FCHO2: variants seen among roughly 807,000 people sequenced by gnomAD.
FCHO2 encodes the protein F-BAR domain only protein 2.
FCHO2 carries 43 observed loss-of-function variants against 114.1 expected under a neutral mutation model. That is an observed-to-expected ratio of 0.38 (90% CI 0.30 to 0.49). The LOEUF is 0.49. Ranked by LOEUF, FCHO2 falls within the 20% of genes least tolerant of loss-of-function variation. FCHO2 has a pLI of 0.97. For synonymous variants in FCHO2, 293 were observed against 315.2 expected, an observed-to-expected ratio of 0.93 and a Z score of 0.75; for missense variants, 807 against 950.4, an observed-to-expected ratio of 0.85 and a Z score of 1.98.
intron 22 of FCHO2, among the ~76,000 whole-genome samples, 157 bp downstream of exon 22, chr5:73,078,469 T>C (rs946548680): frequency 2.0e-5 from 3 of 152,246 alleles, no homozygotes; most frequent in Non-Finnish European, 4.4e-5. Flanking sequence ...AGTGGAGATT[T>C]TGACCAGTTT....
intron 2 of FCHO2, among the ~76,000 whole-genome samples, chr5:72,968,989 A>G (rs533117989): frequency 4.8e-4 from 73 of 152,314 alleles, no homozygotes; most frequent in South Asian, 2.9e-3. Context: ...TTTATTTTTA[A>G]AAGTCCTAAG....
At chr5:72,989,670 T>A (rs1391627408) in intron 3 of FCHO2, among the ~76,000 whole-genome samples, 169 bp downstream of exon 3, 1 of 152,206 alleles carries the variant, frequency 6.6e-6, no homozygotes, top group African/African-American at 2.4e-5. Flanking sequence ...ATAATTGAAC[T>A]TGCTGAATCA....
At chr5:73,078,930 G>T (rs1462955500) in intron 22 of FCHO2, among the ~76,000 whole-genome samples, 1 of 152,166 alleles carries the variant, frequency 6.6e-6, no homozygotes, top group African/African-American at 2.4e-5. Flanking sequence ...AATCTCTAGT[G>T]ACTTGAATAT....
At chr5:73,052,642 G>T in intron 13 of FCHO2, 135 bp downstream of exon 13, 1 of 717,698 alleles carries the variant, frequency 1.4e-6, no homozygotes, top group Non-Finnish European at 2.1e-6. Flanking sequence ...TTTTATACAG[G>T]GAAATAAACT....
intron 8 of FCHO2, among the ~76,000 whole-genome samples, chr5:73,021,671 G>T (rs1382833958): frequency 6.6e-6 from 1 of 152,112 alleles, no homozygotes; most frequent in African/African-American, 2.4e-5. Flanking sequence ...CCTTGTTGCT[G>T]TCTACCATTA....
At chr5:72,993,387 A>T (rs1304569036) in intron 5 of FCHO2, among the ~76,000 whole-genome samples, 2 of 152,170 alleles carry the variant, frequency 1.3e-5, no homozygotes, top group Non-Finnish European at 2.9e-5. Flanking sequence ...ACATTCATCT[A>T]ATACTAATTT....
At chr5:73,020,014 A>T (rs1241528370) in intron 8 of FCHO2, among the ~76,000 whole-genome samples, 1 of 152,126 alleles carries the variant, frequency 6.6e-6, no homozygotes. Context: ...TTGATGACAG[A>T]GTAGAATGCA....
intron 2 of FCHO2, among the ~76,000 whole-genome samples, chr5:72,971,142 A>G (rs1461404376): frequency 2.6e-5 from 4 of 152,128 alleles, no homozygotes; most frequent in African/African-American, 9.7e-5. Context: ...GCTATTGTGA[A>G]TAATGCCGCA....
At chr5:73,018,900 A>G (rs1755459282) in intron 8 of FCHO2, among the ~76,000 whole-genome samples, 1 of 152,192 alleles carries the variant, frequency 6.6e-6, no homozygotes, top group Non-Finnish European at 1.5e-5. Flanking sequence ...TTTCCAAAGC[A>G]AGGAAACAAG....
intron 2 of FCHO2, among the ~76,000 whole-genome samples, chr5:72,985,084 G>T (rs1310008696): frequency 6.6e-6 from 1 of 152,022 alleles, no homozygotes; most frequent in Non-Finnish European, 1.5e-5. Flanking sequence ...CATATGCATA[G>T]TTTATTAAAT....
At chr5:73,080,965 C>G (rs1197254684) in intron 22 of FCHO2, among the ~76,000 whole-genome samples, 1 of 152,030 alleles carries the variant, frequency 6.6e-6, no homozygotes, top group African/African-American at 2.4e-5. Context: ...GTAAAATTCT[C>G]TGGGTGTGAT....
At chr5:73,033,150 T>C (rs1756321517) in intron 8 of FCHO2, among the ~76,000 whole-genome samples, 1 of 152,162 alleles carries the variant, frequency 6.6e-6, no homozygotes, top group Non-Finnish European at 1.5e-5. Context: ...ATAAAGTCCT[T>C]AAATTTTTAA....
chr5:73,044,385 T>C (rs1270648358), intron 11 of FCHO2, among the ~76,000 whole-genome samples: 1 of 152,168 alleles, frequency 6.6e-6, no homozygotes, highest in Non-Finnish European at 1.5e-5. Context: ...AACACAGGCA[T>C]ATGCCACCAT....
Position 73,044,430 on chromosome 5 carries a change from A to G in FCHO2, c.939+3115A>G, listed in dbSNP as rs75111040. On this transcript the variant is annotated intron_variant, in intron 11 of 25. Coordinates refer to ENST00000430046, the MANE Select transcript of FCHO2 (RefSeq NM_138782.3). ...TGTTTTTTCATTTTTAGTAGAGGCA[A>G]TGTCTCACTATGTTATCCAGGCTTG... is the stretch of plus-strand genomic sequence containing the variant. 7.1e-3 allele frequency among the ~76,000 whole-genome samples: 1,074 copies of G among 152,182 alleles called. 8 individuals carry two copies. Among genetic ancestry groups the G allele is most frequent in the African/African-American group, 0.025 (1,043 of 41,540 alleles).
rs1754159981 is a variant in FCHO2 at position 72,997,096 on chromosome 5, G to A, written c.495+6232G>A. 4 of 1,202,220 alleles carry A rather than the reference G, an allele frequency of 3.3e-6. 1 individual carries two copies. In the East Asian group the frequency reaches 9.3e-5, roughly 28 times the overall value. The allele number at this position is 1,202,220 out of a possible 1,614,324, so 74.5% of individuals were successfully genotyped here. ...CTGGAATCAGCTAGGTGAAGAGGAAGATCATGGTGCTGGATCCGGATGAGA... is the reference window on the plus strand; with the variant it reads ...CTGGAATCAGCTAGGTGAAGAGGAAAATCATGGTGCTGGATCCGGATGAGA... On this transcript the variant is annotated intron_variant, in intron 5 of 25. Transcript: ENST00000430046.
intron 5 of FCHO2, among the ~76,000 whole-genome samples, chr5:72,995,494 G>A (rs1486938214): frequency 6.6e-6 from 1 of 152,160 alleles, no homozygotes; most frequent in Non-Finnish European, 1.5e-5. Flanking sequence ...GACCTCAAGC[G>A]ATCTGCCTGC....
intron 15 of FCHO2, chr5:73,055,052 T>C (rs201214934): frequency 6.7e-4 from 252 of 375,570 alleles, no homozygotes; most frequent in Admixed American, 1.2e-3. Context: ...TCAAAAGCTA[T>C]GTAATTTTGT....
intron 17 of FCHO2, among the ~76,000 whole-genome samples, chr5:73,060,609 A>G (rs1416772375): frequency 6.6e-6 from 1 of 151,978 alleles, no homozygotes; most frequent in African/African-American, 2.4e-5. Context: ...TCCTCTACCC[A>G]GGTACCCATT....
intron 17 of FCHO2, among the ~76,000 whole-genome samples, chr5:73,058,870 A>G (rs1338190103): frequency 6.6e-6 from 1 of 152,146 alleles, no homozygotes; most frequent in East Asian, 1.9e-4. Flanking sequence ...AGTTGCATCT[A>G]ATTTTCTAGT....
Sources: allele counts gnomAD v4.1 joint callset (sites outside exome capture counted in the v4.1 genomes callset), GRCh38; gene constraint gnomAD v4.1.1; transcripts MANE v1.5; gene names NCBI Gene and HGNC (gene_info 2026-07-23, HGNC 2026-07-21).